Variants in DPH6 observed in about 807,000 individuals in gnomAD.
The protein encoded by DPH6 is diphthine--ammonia ligase.
A neutral mutation model predicts 38.2 loss-of-function variants in DPH6; 33 were observed. The ratio of observed to expected loss-of-function variants is 0.86; its 90% CI spans 0.65 to 1.15. The LOEUF (loss-of-function observed/expected upper bound fraction) is 1.15, where lower values mean the gene tolerates loss of function less well. Ranked by LOEUF, DPH6 falls within the 50% of genes most tolerant of loss-of-function variation. The probability of loss-of-function intolerance (pLI) is 0.00; values close to 1 mark genes in which losing one functional copy is unlikely to be tolerated. For missense variants in DPH6, 325 were observed against 320.0 expected (o/e 1.02, Z -0.12); for synonymous variants, 108 against 103.0 (o/e 1.05, Z -0.30).
Position 35,500,398 on chromosome 15 carries a change from T to C in DPH6, c.312+37876A>G, listed in dbSNP as rs545365572. Among the ~76,000 whole-genome samples, 11 of 152,284 alleles carry C rather than the reference T, an allele frequency of 7.2e-5. No homozygotes were observed. In the South Asian group the frequency reaches 1.5e-3, roughly 20 times the overall value. On this transcript the variant is annotated intron_variant, in intron 3 of 8. Transcript: ENST00000256538. ...TCAATATGATCCAAGTCAATTTAAT[T>C]TGACATTCACTACCTTTTCTCAGAA...
At chr15:35,491,573 A>ACACT (rs1282594211) in intron 3 of DPH6, among the ~76,000 whole-genome samples, 1 of 151,564 alleles carries the variant, frequency 6.6e-6, no homozygotes, top group African/African-American at 2.4e-5. Context: ...ACACACACAC[A>ACACT]CACACACACA....
At chr15:35,389,964 T>G (rs902976052) in intron 6 of DPH6, among the ~76,000 whole-genome samples, 3 of 152,256 alleles carry the variant, frequency 2.0e-5, no homozygotes, top group African/African-American at 7.2e-5. Flanking sequence ...TGTCATGTTT[T>G]TGCAGTGGCT....
At chr15:35,321,048 C>A (rs1442915937) in intron 3 of DPH6, among the ~76,000 whole-genome samples, 1 of 152,178 alleles carries the variant, frequency 6.6e-6, no homozygotes, top group African/African-American at 2.4e-5. Context: ...CTGGGGAAGT[C>A]ACAAATCTTG....
rs1595440327 is a variant in DPH6, at chr15:35,237,232, G to C, written n.201-16650C>G. 2.8e-5 allele frequency: 31 copies of C among 1,098,136 alleles called. No homozygotes were observed. The East Asian group carries it at 7.3e-4, about 26-fold the overall frequency. The allele number at this position is 1,098,136 out of a possible 1,614,324, so 68.0% of individuals were successfully genotyped here. A position where few individuals can be genotyped will look rare whatever the true frequency, so the allele number is the denominator to read the frequency against. On this transcript the variant is annotated intron_variant and non_coding_transcript_variant, in intron 3 of 3. Transcript: ENST00000560386. Reference sequence around the variant, plus strand: ...GGGGTGCTGGGGGCTCGAGAACTGAGCGGAGCTGGTTGAGCCTTGAAAGTG... The same window carrying C: ...GGGGTGCTGGGGGCTCGAGAACTGACCGGAGCTGGTTGAGCCTTGAAAGTG...
chr15:35,310,465 G>C (rs1418062027), intron 3 of DPH6, among the ~76,000 whole-genome samples: 1 of 151,884 alleles, frequency 6.6e-6, no homozygotes, highest in East Asian at 1.9e-4. Context: ...ACTTTTGGCA[G>C]GTCACAAAAA....
At chr15:35,268,120 A>G (rs2051795141) in intron 3 of DPH6, among the ~76,000 whole-genome samples, 1 of 151,930 alleles carries the variant, frequency 6.6e-6, no homozygotes, top group South Asian at 2.1e-4. Flanking sequence ...CAGTGAGCCG[A>G]GATTGTGCCA....
chr15:35,320,943 G>A (rs773732463), intron 3 of DPH6, among the ~76,000 whole-genome samples: 67 of 152,122 alleles, frequency 4.4e-4, no homozygotes, highest in Non-Finnish European at 4.0e-4. Flanking sequence ...GGGTATGAGT[G>A]GAGTCAGCTG....
intron 3 of DPH6, among the ~76,000 whole-genome samples, chr15:35,351,033 T>A (rs1411986957): frequency 1.3e-5 from 2 of 152,186 alleles, no homozygotes; most frequent in Non-Finnish European, 2.9e-5. Flanking sequence ...AAAATCTCTA[T>A]CATTATTGTG....
intron 3 of DPH6, among the ~76,000 whole-genome samples, chr15:35,502,701 A>G (rs1451083978): frequency 1.3e-5 from 2 of 151,934 alleles, no homozygotes; most frequent in East Asian, 3.9e-4. Flanking sequence ...TAATTCTTGA[A>G]GCAACTTATA....
intron 5 of DPH6, among the ~76,000 whole-genome samples, chr15:35,442,019 C>A (rs2053795180): frequency 6.6e-6 from 1 of 151,122 alleles, no homozygotes; most frequent in South Asian, 2.1e-4. Context: ...GTAATCAAAA[C>A]AAAAAAATGA....
At chr15:35,310,886 C>G (rs1453731211) in intron 3 of DPH6, among the ~76,000 whole-genome samples, 1 of 146,402 alleles carries the variant, frequency 6.8e-6, no homozygotes, top group South Asian at 2.2e-4. Context: ...CCCATCTCTA[C>G]TAAAAATACA....
chr15:35,177,033 A>G, the DPH6 span, among the ~76,000 whole-genome samples: 1 of 152,166 alleles, frequency 6.6e-6, no homozygotes, highest in Non-Finnish European at 1.5e-5. Flanking sequence ...TTGTATTTGT[A>G]TTTGCCAATG....
chr15:35,479,136 T>C (rs1316629710), intron 3 of DPH6, among the ~76,000 whole-genome samples: 3 of 152,084 alleles, frequency 2.0e-5, no homozygotes, highest in Non-Finnish European at 4.4e-5. Context: ...GACCAGATAA[T>C]GTATTCAACT....
At chr15:35,487,933 C>T (rs920048962) in intron 3 of DPH6, among the ~76,000 whole-genome samples, 1 of 152,176 alleles carries the variant, frequency 6.6e-6, no homozygotes, top group African/African-American at 2.4e-5. Flanking sequence ...ATCTTGAATG[C>T]TTTGTTGCTT....
intron 3 of DPH6, among the ~76,000 whole-genome samples, chr15:35,223,416 C>G (rs2051455511): frequency 6.6e-6 from 1 of 152,088 alleles, no homozygotes; most frequent in Non-Finnish European, 1.5e-5. Flanking sequence ...GCCGGGTGCC[C>G]TAGCTTACGC....
In DPH6 at chr15:35,282,502, A is replaced by C. The variant is rs1161929420; in HGVS notation, n.201-61920T>G. On this transcript the variant is annotated intron_variant and non_coding_transcript_variant, in intron 3 of 3. Coordinates refer to the DPH6 transcript ENST00000560386. Reference sequence around the variant, plus strand: ...CAGTTTTCACAAATAGTTTTTGAAGAAGCTCAGTCTTGGCAGACTGTGCTG... The same window carrying C: ...CAGTTTTCACAAATAGTTTTTGAAGCAGCTCAGTCTTGGCAGACTGTGCTG... 6.8e-5 allele frequency: 13 copies of C among 190,220 alleles called. No homozygotes were observed. The Admixed American group carries it at 7.4e-4, about 11-fold the overall frequency. 11.8% of individuals were successfully genotyped at this position (190,220 alleles called of 1,614,324 possible). A position where few individuals can be genotyped will look rare whatever the true frequency, so the allele number is the denominator to read the frequency against.
At chr15:35,519,764 G>A (rs115934662) in intron 3 of DPH6, 1 of 152,448 alleles carries the variant, frequency 6.6e-6, no homozygotes, top group African/African-American at 2.4e-5. Flanking sequence ...TACAATAGAG[G>A]CTGAGAAAAA....
At chr15:35,387,589 C>A (rs1336159313) in intron 6 of DPH6, among the ~76,000 whole-genome samples, 37 of 152,100 alleles carry the variant, frequency 2.4e-4, no homozygotes, top group South Asian at 1.7e-3. Flanking sequence ...TAGGTATTTT[C>A]TTCTGTTTGA....
chr15:35,389,048 T>C (rs1188926867), intron 6 of DPH6, among the ~76,000 whole-genome samples: 1 of 152,218 alleles, frequency 6.6e-6, no homozygotes, highest in Non-Finnish European at 1.5e-5. Context: ...TGTGTCTTTG[T>C]TCTCGTTGGT....
Sources: allele counts gnomAD v4.1 joint callset (sites outside exome capture counted in the v4.1 genomes callset), GRCh38; gene constraint gnomAD v4.1.1; transcripts MANE v1.5; gene names NCBI Gene and HGNC (gene_info 2026-07-23, HGNC 2026-07-21).